UBXN11: variants seen among roughly 807,000 people sequenced by gnomAD.
The protein encoded by UBXN11 is UBX domain-containing protein 11.
A neutral mutation model predicts 62.8 loss-of-function variants in UBXN11; 47 were observed. That is an observed-to-expected ratio of 0.75 (90% confidence interval 0.59 to 0.95). UBXN11 has a LOEUF of 0.95. Ranked by LOEUF, UBXN11 falls within the 40% of genes least tolerant of loss-of-function variation. The pLI, the probability that UBXN11 is intolerant of heterozygous loss-of-function variation, is 0.00. For synonymous variants in UBXN11, 294 were observed against 267.0 expected, an observed-to-expected ratio of 1.10 and a Z score of -0.99; for missense variants, 638 against 661.7, an observed-to-expected ratio of 0.96 and a Z score of 0.39.
At chr1:26,306,824 C>CGG (rs1344172803), upstream of UBXN11, 40 of 5,150 alleles carry the variant, frequency 7.8e-3, 1 homozygote, top group Admixed American at 0.016. Context: ...AGGTCCGGGG[C>CGG]GGGGTGGGGG....
chr1:26,317,793 C>G (rs1010508694), intron 1 of UBXN11, among the ~76,000 whole-genome samples: 2 of 152,050 alleles, frequency 1.3e-5, no homozygotes, highest in African/African-American at 4.8e-5. Context: ...TAGCCTGCTC[C>G]CCCAGCCAGG....
chr1:26,313,905 C>T (rs768312730), intron 1 of UBXN11, among the ~76,000 whole-genome samples: 2 of 151,794 alleles, frequency 1.3e-5, no homozygotes, highest in Non-Finnish European at 2.9e-5. Context: ...CTCAGCCTCC[C>T]GAGTAGCTGG....
chr1:26,283,560 C>T (rs1245816432), intron 12 of UBXN11, among the ~76,000 whole-genome samples: 3 of 152,044 alleles, frequency 2.0e-5, no homozygotes, highest in African/African-American at 7.2e-5. Context: ...TCAGCAGGGG[C>T]AGGAGTGGCA....
At chr1:26,295,393 C>T (rs2073368195) in intron 7 of UBXN11, among the ~76,000 whole-genome samples, 1 of 152,178 alleles carries the variant, frequency 6.6e-6, no homozygotes, top group Non-Finnish European at 1.5e-5. Context: ...CCACACCACC[C>T]AACCCCACAA....
intron 8 of UBXN11, among the ~76,000 whole-genome samples, chr1:26,293,838 G>A (rs1403396278): frequency 2.6e-5 from 4 of 151,600 alleles, no homozygotes; most frequent in South Asian, 2.1e-4. Context: ...GAATTTGGCA[G>A]CAGCTTCTAG....
At chr1:26,294,610 G>A (rs6681452) in intron 7 of UBXN11, among the ~76,000 whole-genome samples, 27,595 of 152,156 alleles carry the variant, frequency 0.18, 2,687 homozygotes, top group African/African-American at 0.23. Flanking sequence ...TCAGGTCAGC[G>A]CCCAGCCCAT....
At chr1:26,297,913 C>A in intron 5 of UBXN11, 49 bp downstream of exon 5, 1 of 1,591,068 alleles carries the variant, frequency 6.3e-7, no homozygotes. Flanking sequence ...CAGCCCAGTC[C>A]CTCCACCTCT....
chr1:26,318,193 C>A, exon 1 of UBXN11: 1 of 830,682 alleles, frequency 1.2e-6, no homozygotes, highest in African/African-American at 1.7e-5. Context: ...AGCAGATGGA[C>A]TCCAACAGGA....
intron 3 of UBXN11, 66 bp downstream of exon 3, chr1:26,301,628 C>T (rs568844075): frequency 1.0e-5 from 16 of 1,595,824 alleles, no homozygotes; most frequent in South Asian, 9.0e-5. Flanking sequence ...TTCTCTCCAT[C>T]GGTCCAACTG....
chr1:26,306,831 G>GT (rs1270180339), upstream of UBXN11: 1 of 105,944 alleles, frequency 9.4e-6, no homozygotes, highest in East Asian at 2.6e-4. Flanking sequence ...GGGCGGGGTG[G>GT]GGGGGGGGGG....
upstream of UBXN11, among the ~76,000 whole-genome samples, chr1:26,308,276 AAAAG>A (rs1236450699): frequency 5.8e-5 from 1 of 17,364 alleles, no homozygotes; most frequent in African/African-American, 1.6e-4. Flanking sequence ...AAAAAAAAAA[AAAAG>A]AAAAGAAAAG....
At chr1:26,307,441 CAGAAACACCTGTAG>C (rs2073691208), upstream of UBXN11, among the ~76,000 whole-genome samples, 1 of 152,132 alleles carries the variant, frequency 6.6e-6, no homozygotes, top group African/African-American at 2.4e-5. Context: ...AAAGCCGAAA[CAGAAACACCTGTAG>C]AGAGCACTTT....
At chr1:26,302,673 A>G in intron 2 of UBXN11, 140 bp downstream of exon 2, 1 of 946,508 alleles carries the variant, frequency 1.1e-6, no homozygotes, top group Non-Finnish European at 1.5e-6. Flanking sequence ...AGGTATAAAG[A>G]AAAAGACAGT....
At chr1:26,282,971 T>C in intron 12 of UBXN11, 34 bp from the exon 13 acceptor site, 1 of 1,613,796 alleles carries the variant, frequency 6.2e-7, no homozygotes, top group East Asian at 2.2e-5. Context: ...GACAGAGCCC[T>C]AGGCCCCATT....
intron 1 of UBXN11, among the ~76,000 whole-genome samples, chr1:26,311,721 A>G (rs575973089): frequency 3.3e-5 from 5 of 152,328 alleles, no homozygotes; most frequent in Admixed American, 1.3e-4. Flanking sequence ...GATTACAGGC[A>G]TGACCCACCG....
chr1:26,315,022 A>G (rs2073778958), intron 1 of UBXN11, among the ~76,000 whole-genome samples: 1 of 152,098 alleles, frequency 6.6e-6, no homozygotes, highest in Admixed American at 6.6e-5. Context: ...TCGAGGTTAC[A>G]GTGAGCTATG....
chr1:26,285,950 G>T lies in UBXN11; in HGVS notation c.647C>A (p.Thr216Asn), dbSNP rs780364609. 1.2e-6 allele frequency: 2 copies of T among 1,613,680 alleles called. No individual in the cohort carries two copies. The highest frequency in any genetic ancestry group is 2.2e-5 in the East Asian group (1 of 44,866). The change falls in exon 9 of 15, where the codon ACC becomes AAC. Residue 216 changes from threonine (T) to asparagine (N), a missense_variant. Transcript: ENST00000374222. The part of the protein sequence containing the change: ...DLSELVVEGD[T>N]QVTPVPGGAR... ...CCCGCCGGGCACTGGTGTCACTTGGGTGTCACCCTCTACCACCAGCTCACT... is the reference window on the plus strand; with the variant it reads ...CCCGCCGGGCACTGGTGTCACTTGGTTGTCACCCTCTACCACCAGCTCACT...
intron 7 of UBXN11, 48 bp from the exon 8 acceptor site, chr1:26,294,379 TC>T: frequency 6.2e-7 from 1 of 1,602,044 alleles, no homozygotes; most frequent in Non-Finnish European, 8.5e-7. Flanking sequence ...CTCAGCCCCT[TC>T]CCAGGGAAAG....
chr1:26,298,407 G>C (rs754181988), intron 4 of UBXN11, among the ~76,000 whole-genome samples: 3 of 152,190 alleles, frequency 2.0e-5, no homozygotes, highest in Admixed American at 2.0e-4. Flanking sequence ...CTAGTGTCCA[G>C]TTGGTACGCA....
Sources: gnomAD v4.1 joint callset for allele counts (sites outside exome capture counted in the v4.1 genomes callset) on GRCh38, gnomAD v4.1.1 for gene constraint, MANE v1.5 for transcripts, NCBI Gene and HGNC (gene_info 2026-07-23, HGNC 2026-07-21) for gene names.